The following RPS6KA2 variants were observed in gnomAD, a reference collection of about 807,000 sequenced individuals.
RPS6KA2 encodes ribosomal protein S6 kinase alpha-2.
A neutral mutation model predicts 91.8 loss-of-function variants in RPS6KA2; 42 were observed. The ratio of observed to expected loss-of-function variants is 0.46; its 90% CI spans 0.36 to 0.59. The LOEUF (loss-of-function observed/expected upper bound fraction) is 0.59. RPS6KA2 is among the 20% of genes least tolerant of loss of function. The pLI is 0.00. For synonymous variants in RPS6KA2, 414 were observed against 393.6 expected, an observed-to-expected ratio of 1.05 and a Z score of -0.61; for missense variants, 798 against 978.5, an observed-to-expected ratio of 0.82 and a Z score of 2.46.
chr6:166,734,019 G>A (rs1366641407), intron 2 of RPS6KA2, among the ~76,000 whole-genome samples: 3 of 152,158 alleles, frequency 2.0e-5, no homozygotes, highest in Non-Finnish European at 4.4e-5. Context: ...AAGGGACATT[G>A]GTAAGAGGGA....
chr6:166,523,011 T>C (rs1782911348), intron 3 of RPS6KA2, among the ~76,000 whole-genome samples: 1 of 152,220 alleles, frequency 6.6e-6, no homozygotes, highest in South Asian at 2.1e-4. Context: ...CTTAAGCCCA[T>C]TACTCTTAAC....
At chr6:166,573,137 T>G in intron 1 of RPS6KA2, among the ~76,000 whole-genome samples, 1 of 152,236 alleles carries the variant, frequency 6.6e-6, no homozygotes, top group Middle Eastern at 3.4e-3. Flanking sequence ...GGGTGAGATC[T>G]TTGGTCTGTG....
At chr6:166,711,250 C>A (rs7742383) in intron 2 of RPS6KA2, among the ~76,000 whole-genome samples, 24,316 of 136,190 alleles carry the variant, frequency 0.18, 2,196 homozygotes, top group Admixed American at 0.21. Context: ...TGAGGTGGTG[C>A]CCCCACTTCC....
chr6:166,861,542 G>C (rs1014970084), intron 1 of RPS6KA2, among the ~76,000 whole-genome samples: 23 of 152,206 alleles, frequency 1.5e-4, no homozygotes, highest in African/African-American at 4.8e-4. Context: ...GCCCTGGGAC[G>C]GGCAAGGAAC....
At chr6:166,541,860 G>T (rs1318217361) in intron 1 of RPS6KA2, among the ~76,000 whole-genome samples, 2 of 152,148 alleles carry the variant, frequency 1.3e-5, no homozygotes, top group Non-Finnish European at 2.9e-5. Flanking sequence ...CTCCTAAAAT[G>T]ACATGAAAAA....
intron 2 of RPS6KA2, among the ~76,000 whole-genome samples, chr6:166,824,689 G>GTGTGTC (rs1366235494): frequency 6.8e-6 from 1 of 147,854 alleles, no homozygotes; most frequent in Non-Finnish European, 1.5e-5. Context: ...GTGTCTACAT[G>GTGTGTC]TGTGTCTGTG....
chr6:166,530,674 T>G (rs1783240993), intron 3 of RPS6KA2, among the ~76,000 whole-genome samples: 2 of 152,214 alleles, frequency 1.3e-5, no homozygotes. Context: ...GCCCAGCTAG[T>G]GACGGGCTTA....
At chr6:166,808,733 T>C (rs73788146) in intron 2 of RPS6KA2, among the ~76,000 whole-genome samples, 3,720 of 152,334 alleles carry the variant, frequency 0.024, 118 homozygotes, top group African/African-American at 0.083. Flanking sequence ...GACTGTGTTC[T>C]TGGGGTAGGA....
intron 1 of RPS6KA2, among the ~76,000 whole-genome samples, chr6:166,539,133 T>C (rs1783575815): frequency 6.6e-6 from 1 of 152,136 alleles, no homozygotes; most frequent in Non-Finnish European, 1.5e-5. Context: ...TTGGCCAGGA[T>C]GGTCTCGATC....
chr6:166,461,161 G>A (rs2128460500), intron 11 of RPS6KA2, among the ~76,000 whole-genome samples: 1 of 152,338 alleles, frequency 6.6e-6, no homozygotes, highest in African/African-American at 2.4e-5. Context: ...ACCATCGGAG[G>A]AGAAACAGGA....
rs1327929498 is a variant in RPS6KA2, at chr6:166,743,371, C to T, written c.123+114829G>A. 3.9e-5 allele frequency among the ~76,000 whole-genome samples: 6 copies of T among 152,216 alleles called. No homozygotes were observed. The South Asian group carries it at 8.3e-4, about 21-fold the overall frequency. On this transcript the variant is annotated intron_variant, in intron 2 of 21. Transcript: ENST00000503859. ...TGCCCTCGTGAACATGCCCACAGAA[C>T]GCCCAGCAACCAGGCCGAAGAACAA...
intron 3 of RPS6KA2, among the ~76,000 whole-genome samples, chr6:166,527,562 A>T (rs573114954): frequency 6.6e-6 from 1 of 152,182 alleles, no homozygotes; most frequent in African/African-American, 2.4e-5. Flanking sequence ...AGCTTTTTGG[A>T]GATATAATTC....
At position 166,419,369 on chromosome 6, in the gene RPS6KA2, G is replaced by A. The variant is rs566139189; in HGVS notation, c.1820+513C>T. Among the ~76,000 whole-genome samples the A allele has an allele frequency of 2.0e-5, 3 of 152,324 alleles. No homozygotes were observed. Among genetic ancestry groups the A allele is most frequent in the South Asian group, 2.1e-4 (1 of 4,826 alleles). On this transcript the variant is annotated intron_variant, in intron 18 of 20. Coordinates refer to ENST00000265678, the MANE Select transcript of RPS6KA2 (RefSeq NM_021135.6). This position sits in a 1 kb window ranked among gnomAD's most constrained non-coding sequence, Gnocchi z 5.6. ...GTTAAAGTGTTTAGCCCAGAGTCACGGCTAGTGGCGAGTGGGGCTCAGATG... is the reference window on the plus strand; with the variant it reads ...GTTAAAGTGTTTAGCCCAGAGTCACAGCTAGTGGCGAGTGGGGCTCAGATG...
chr6:166,816,554 C>CAAAA (rs762549959), intron 2 of RPS6KA2, among the ~76,000 whole-genome samples: 4 of 137,898 alleles, frequency 2.9e-5, no homozygotes, highest in African/African-American at 5.5e-5. Flanking sequence ...GACTCCATCT[C>CAAAA]AAAAAAAAAA....
At chr6:166,602,470 C>T (rs1222599707) in intron 1 of RPS6KA2, among the ~76,000 whole-genome samples, 3 of 152,182 alleles carry the variant, frequency 2.0e-5, no homozygotes, top group African/African-American at 4.8e-5. Flanking sequence ...AACAAGCATC[C>T]AGCCCCAGGG....
intron 1 of RPS6KA2, among the ~76,000 whole-genome samples, chr6:166,593,356 A>C (rs1338572436): frequency 6.6e-6 from 1 of 152,200 alleles, no homozygotes; most frequent in African/African-American, 2.4e-5. Flanking sequence ...ATAAAAACAG[A>C]ACATTTGACA....
chr6:166,589,230 T>C (rs569912555), intron 1 of RPS6KA2, among the ~76,000 whole-genome samples: 138 of 152,298 alleles, frequency 9.1e-4, no homozygotes, highest in African/African-American at 3.2e-3. Context: ...TCACAGCCAG[T>C]GTGGAGAAAG....
intron 11 of RPS6KA2, among the ~76,000 whole-genome samples, chr6:166,460,056 G>A (rs1204045975): frequency 3.9e-5 from 6 of 152,224 alleles, no homozygotes; most frequent in Non-Finnish European, 8.8e-5. Flanking sequence ...CCACCCCAGG[G>A]TGCTCTCTTG....
At chr6:166,751,538 A>G (rs1791284383) in intron 2 of RPS6KA2, among the ~76,000 whole-genome samples, 1 of 152,248 alleles carries the variant, frequency 6.6e-6, no homozygotes, top group African/African-American at 2.4e-5. Flanking sequence ...AGATGGCGAC[A>G]GGGGCTTGAG....
Sources: allele counts gnomAD v4.1 joint callset (sites outside exome capture counted in the v4.1 genomes callset), GRCh38; gene constraint gnomAD v4.1.1; non-coding constraint Gnocchi (gnomAD v3.1); transcripts MANE v1.5; gene names NCBI Gene and HGNC (gene_info 2026-07-23, HGNC 2026-07-21).